PLA2G4A: variants seen among roughly 807,000 people sequenced by gnomAD.
The protein encoded by PLA2G4A is phospholipase A2 group IVA, also known as cytosolic phospholipase A2.
PLA2G4A carries 40 observed loss-of-function variants against 81.9 expected under a neutral mutation model. That is an observed-to-expected ratio of 0.49 (90% CI 0.38 to 0.64). PLA2G4A has a LOEUF of 0.64. PLA2G4A is among the 30% of genes least tolerant of loss of function. The probability of loss-of-function intolerance (pLI) is 0.00; values close to 1 mark genes in which losing one functional copy is unlikely to be tolerated. For missense variants in PLA2G4A, 715 were observed against 905.1 expected, an observed-to-expected ratio of 0.79 and a Z score of 2.69; for synonymous variants, 302 against 296.9, an observed-to-expected ratio of 1.02 and a Z score of -0.18.
chr1:186,946,453 G>T (rs984386989), intron 10 of PLA2G4A, among the ~76,000 whole-genome samples, 184 bp from the exon 11 acceptor site: 4 of 151,914 alleles, frequency 2.6e-5, no homozygotes, highest in South Asian at 4.1e-4. Flanking sequence ...ACCTCTAAGC[G>T]TTTTTCCCCC....
intron 7 of PLA2G4A, among the ~76,000 whole-genome samples, chr1:186,930,161 G>A (rs1655690401): frequency 6.6e-6 from 1 of 152,140 alleles, no homozygotes; most frequent in African/African-American, 2.4e-5. Flanking sequence ...AAAATTAAAT[G>A]TATAATGTAA....
intron 14 of PLA2G4A, among the ~76,000 whole-genome samples, chr1:186,961,714 G>A (rs1051024581): frequency 6.6e-6 from 1 of 152,044 alleles, no homozygotes; most frequent in Non-Finnish European, 1.5e-5. Flanking sequence ...CATGTTTTTG[G>A]TTACACTTTC....
At chr1:186,829,598 C>T (rs979055592) in intron 1 of PLA2G4A, among the ~76,000 whole-genome samples, 1 of 151,782 alleles carries the variant, frequency 6.6e-6, no homozygotes, top group Non-Finnish European at 1.5e-5. Flanking sequence ...TTCTGATGAT[C>T]CACCCTTCCC....
intron 7 of PLA2G4A, among the ~76,000 whole-genome samples, chr1:186,932,202 TTAAA>T (rs1306292949): frequency 5.9e-5 from 9 of 152,292 alleles, no homozygotes; most frequent in African/African-American, 2.2e-4. Context: ...ATTGTTATTA[TTAAA>T]TAGAGTAAGT....
intron 1 of PLA2G4A, 94 bp from the exon 2 acceptor site, chr1:186,854,192 G>A: frequency 1.7e-6 from 1 of 592,416 alleles, no homozygotes; most frequent in Non-Finnish European, 3.0e-6. Context: ...TCCTTGGGTA[G>A]ACTTTTTCTT....
rs1654939347 is a variant in PLA2G4A, at chr1:186,911,454, A to G, written c.558+65A>G. 2.4e-6 allele frequency: 3 copies of G among 1,230,340 alleles called. No homozygotes were observed. In the Admixed American group the frequency reaches 5.0e-5, roughly 21 times the overall value. The allele number at this position is 1,230,340 out of a possible 1,614,324, so 76.2% of individuals were successfully genotyped here. ...ATAATTTAGCTTGGACAATTTCCCC[A>G]ATAATTTTACCCAAATATGGCAATA... On this transcript the variant is annotated intron_variant, in intron 7 of 17. Coordinates refer to ENST00000367466, the MANE Select transcript of PLA2G4A (RefSeq NM_024420.3).
At chr1:186,900,822 T>C (rs1654510966) in intron 5 of PLA2G4A, among the ~76,000 whole-genome samples, 1 of 152,192 alleles carries the variant, frequency 6.6e-6, no homozygotes, top group Admixed American at 6.5e-5. Flanking sequence ...TGACCTTGTG[T>C]TTTAGTTTGC....
intron 3 of PLA2G4A, among the ~76,000 whole-genome samples, chr1:186,883,900 T>C (rs1653834108): frequency 6.6e-6 from 1 of 152,186 alleles, no homozygotes; most frequent in South Asian, 2.1e-4. Context: ...AAGCAGTAAG[T>C]GTAGACTATA....
At chr1:186,922,822 C>A (rs1655400277) in intron 7 of PLA2G4A, among the ~76,000 whole-genome samples, 1 of 152,172 alleles carries the variant, frequency 6.6e-6, no homozygotes, top group African/African-American at 2.4e-5. Context: ...GGGCTCACAA[C>A]TCTAAGGGGG....
At chr1:186,938,831 G>C (rs1656044731) in intron 8 of PLA2G4A, among the ~76,000 whole-genome samples, 177 bp from the exon 9 acceptor site, 1 of 152,116 alleles carries the variant, frequency 6.6e-6, no homozygotes, top group African/African-American at 2.4e-5. Flanking sequence ...CTTCATGGTA[G>C]ACTAGCTCCT....
intron 2 of PLA2G4A, among the ~76,000 whole-genome samples, chr1:186,863,213 G>T (rs1398260369): frequency 1.3e-5 from 2 of 152,134 alleles, no homozygotes; most frequent in Non-Finnish European, 2.9e-5. Context: ...GTAACTACAG[G>T]TGTACACCAT....
chr1:186,842,335 G>A (rs1031978545), intron 1 of PLA2G4A, among the ~76,000 whole-genome samples: 8 of 152,012 alleles, frequency 5.3e-5, no homozygotes, highest in Non-Finnish European at 8.8e-5. Flanking sequence ...GAGCCACTGC[G>A]CCCGGCTGCA....
chr1:186,870,530 T>C lies in PLA2G4A; in HGVS notation c.115+14T>C. On this transcript the variant is annotated intron_variant, in intron 3 of 17. Transcript: ENST00000367466. ...TTGGTGACATGCGTAAGTGCCCTTT[T>C]TTTCTTTGCTGTTAAACATGTAATT... 6.4e-7 allele frequency: 1 copy of C among 1,565,950 alleles called. No individual in the cohort carries two copies. The highest frequency in any genetic ancestry group is 8.8e-7 in the Non-Finnish European group (1 of 1,137,038).
chr1:186,977,733 A>G lies in PLA2G4A; in HGVS notation c.1905A>G (p.Pro635=), dbSNP rs1409718435. 1 of 1,613,838 alleles carries G rather than the reference A, an allele frequency of 6.2e-7. No individual in the cohort carries two copies. Among genetic ancestry groups the G allele is most frequent in the South Asian group, 1.1e-5 (1 of 91,086 alleles). The part of the protein sequence containing the change: ...PKNPDMEKDC[P]TIIHFVLANI... ...ATCCTGATATGGAGAAAGATTGCCC[A>G]ACCATCATCCACTTTGTTCTGGCCA... Residue 635 remains proline (P), a synonymous_variant, in exon 16 of 18, where the codon CCA becomes CCG. Coordinates refer to ENST00000367466, the MANE Select transcript of PLA2G4A (RefSeq NM_024420.3).
intron 1 of PLA2G4A, among the ~76,000 whole-genome samples, chr1:186,829,642 A>G (rs934102199): frequency 6.6e-6 from 1 of 152,156 alleles, no homozygotes; most frequent in Non-Finnish European, 1.5e-5. Flanking sequence ...GAAAAAAAAA[A>G]TCTCAAAACT....
At chr1:186,940,186 G>A (rs2102220385) in intron 10 of PLA2G4A, 92 bp downstream of exon 10, 1 of 773,220 alleles carries the variant, frequency 1.3e-6, no homozygotes, top group East Asian at 2.5e-5. Flanking sequence ...AGCAATTTCA[G>A]TTGTTTATTT....
chr1:186,868,321 G>A (rs548314109), intron 2 of PLA2G4A, among the ~76,000 whole-genome samples: 113 of 152,040 alleles, frequency 7.4e-4, no homozygotes, highest in African/African-American at 2.7e-3. Context: ...CAGGTGATCC[G>A]CCCGCTTCCG....
At chr1:186,912,091 C>A (rs572021056) in intron 7 of PLA2G4A, among the ~76,000 whole-genome samples, 2 of 152,254 alleles carry the variant, frequency 1.3e-5, no homozygotes, top group Admixed American at 1.3e-4. Flanking sequence ...TGTGCGCACC[C>A]ATTGGCAAGG....
intron 10 of PLA2G4A, among the ~76,000 whole-genome samples, chr1:186,945,684 G>A (rs1208999159): frequency 6.6e-6 from 1 of 152,056 alleles, no homozygotes; most frequent in Non-Finnish European, 1.5e-5. Flanking sequence ...GTGAGTAGTG[G>A]CATGAATAAT....
Sources: allele counts gnomAD v4.1 joint callset (sites outside exome capture counted in the v4.1 genomes callset), GRCh38; gene constraint gnomAD v4.1.1; transcripts MANE v1.5; gene names NCBI Gene and HGNC (gene_info 2026-07-23, HGNC 2026-07-21).